Variants in LGR6 observed in about 807,000 individuals in gnomAD.
LGR6 encodes the protein leucine-rich repeat-containing G protein-coupled receptor 6.
A neutral mutation model predicts 69.4 loss-of-function variants in LGR6; 45 were observed. That is an observed-to-expected ratio of 0.65 (90% CI 0.51 to 0.83). The LOEUF (loss-of-function observed/expected upper bound fraction) is 0.83. Among genes scored for constraint, LGR6 ranks in the 40% least tolerant of loss-of-function variants. The pLI, the probability that LGR6 is intolerant of heterozygous loss-of-function variation, is 0.00. For missense variants in LGR6, 1,108 were observed against 1,246.7 expected, an observed-to-expected ratio of 0.89 and a Z score of 1.68; for synonymous variants, 538 against 555.0, an observed-to-expected ratio of 0.97 and a Z score of 0.43.
chr1:202,216,236 C>G (rs552788209), intron 1 of LGR6, among the ~76,000 whole-genome samples: 32 of 152,334 alleles, frequency 2.1e-4, no homozygotes, highest in Admixed American at 1.5e-3. Context: ...GGTGGTGATG[C>G]TCAAAGGTAA....
At chr1:202,305,837 G>A in intron 12 of LGR6, 88 bp downstream of exon 12, 1 of 986,802 alleles carries the variant, frequency 1.0e-6, no homozygotes, top group East Asian at 2.4e-5. Flanking sequence ...GCATCAGTAA[G>A]GGCCAATGCA....
intron 1 of LGR6, among the ~76,000 whole-genome samples, chr1:202,196,154 A>G (rs373528056): frequency 1.3e-4 from 20 of 152,030 alleles, no homozygotes; most frequent in African/African-American, 4.8e-4. Flanking sequence ...AATATGGGGA[A>G]TTTAGCAGTG....
intron 3 of LGR6, among the ~76,000 whole-genome samples, chr1:202,233,546 C>T (rs1661272775): frequency 6.6e-6 from 1 of 152,120 alleles, no homozygotes; most frequent in Admixed American, 6.6e-5. Flanking sequence ...GGTAGAAACA[C>T]TAAGCAGGGC....
At chr1:202,273,944 A>G (rs1197212042) in intron 4 of LGR6, among the ~76,000 whole-genome samples, 2 of 152,208 alleles carry the variant, frequency 1.3e-5, no homozygotes, top group Non-Finnish European at 2.9e-5. Context: ...AGCAGGACTC[A>G]GGGCTTAGGT....
intron 6 of LGR6, among the ~76,000 whole-genome samples, chr1:202,289,791 G>T (rs1219982816): frequency 1.3e-5 from 2 of 152,214 alleles, no homozygotes; most frequent in African/African-American, 2.4e-5. Flanking sequence ...TGTATTCATT[G>T]TGCTAGCTTG....
At chr1:202,306,737 C>T (rs747650952) in intron 12 of LGR6, 131 bp from the exon 13 acceptor site, 14 of 838,356 alleles carry the variant, frequency 1.7e-5, no homozygotes, top group South Asian at 7.2e-5. Flanking sequence ...GTGACTTCCT[C>T]GGGCTGGGCC....
At chr1:202,270,108 T>C (rs1050094364) in intron 4 of LGR6, among the ~76,000 whole-genome samples, 22 of 152,204 alleles carry the variant, frequency 1.4e-4, no homozygotes, top group African/African-American at 5.3e-4. Context: ...GGTTTCCAAA[T>C]AGAGATATGC....
At chr1:202,227,119 G>GT (rs918273748) in intron 2 of LGR6, among the ~76,000 whole-genome samples, 8 of 151,622 alleles carry the variant, frequency 5.3e-5, no homozygotes, top group East Asian at 1.9e-4. Context: ...TTTCCACATA[G>GT]TTTTTTTTTA....
At chr1:202,245,283 C>T (rs1054879403) in intron 4 of LGR6, among the ~76,000 whole-genome samples, 1 of 69,310 alleles carries the variant, frequency 1.4e-5, no homozygotes, top group Non-Finnish European at 2.6e-5. Flanking sequence ...ACGTTTGGGG[C>T]AGAGGCTGCT....
At chr1:202,273,485 T>C (rs1267477782) in intron 4 of LGR6, among the ~76,000 whole-genome samples, 1 of 151,266 alleles carries the variant, frequency 6.6e-6, no homozygotes, top group African/African-American at 2.4e-5. Context: ...GAGATGGAGT[T>C]TCGCTCTTGT....
chr1:202,228,513 C>G (rs1250562936), intron 3 of LGR6, among the ~76,000 whole-genome samples: 7 of 152,216 alleles, frequency 4.6e-5, no homozygotes, highest in Non-Finnish European at 1.5e-5. Flanking sequence ...TTCCTCCCTG[C>G]TCCTCCTTTA....
chr1:202,314,248 C>T (rs191842672), intron 16 of LGR6, among the ~76,000 whole-genome samples: 1 of 152,292 alleles, frequency 6.6e-6, no homozygotes, highest in East Asian at 1.9e-4. Context: ...TGAGGACGGC[C>T]ATGATACCCC....
chr1:202,239,705 T>C (rs778353273), intron 4 of LGR6, among the ~76,000 whole-genome samples: 23 of 151,964 alleles, frequency 1.5e-4, no homozygotes, highest in Admixed American at 2.6e-4. Flanking sequence ...AAACTAGAAA[T>C]ATCTAGAAGT....
chr1:202,210,962 G>A (rs1332232114), intron 1 of LGR6, among the ~76,000 whole-genome samples: 1 of 152,250 alleles, frequency 6.6e-6, no homozygotes, highest in African/African-American at 2.4e-5. Flanking sequence ...TTACCATTGT[G>A]TGCGTTAAGC....
chr1:202,318,339 A>C lies in LGR6; in HGVS notation c.2036A>C (p.Lys679Thr). Residue 679 changes from lysine (K) to threonine (T), a missense_variant, in exon 18 of 18, where the codon AAG (lysine) becomes ACG (threonine). Physicochemically the swap from Lys to Thr is moderately conservative, Grantham distance 78. Transcript: ENST00000367278. ...GTCTCCTGTGTCCGGGCCTATGGGA[A>C]GTCCCCCTCCCTGGGCAGCGTTCGA... ...VSVSCVRAYG[K>T]SPSLGSVRAG... The C allele has an allele frequency of 6.3e-7, 1 of 1,596,878 alleles. No homozygotes were observed. The highest frequency in any genetic ancestry group is 2.2e-5 in the East Asian group (1 of 44,610).
intron 1 of LGR6, chr1:202,194,705 CG>C (rs549228631): frequency 4.0e-5 from 8 of 200,678 alleles, no homozygotes; most frequent in African/African-American, 1.4e-4. Context: ...TTCGTGGGGG[CG>C]GGGGGGGCGG....
intron 11 of LGR6, 113 bp downstream of exon 11, chr1:202,304,743 A>C: frequency 1.2e-6 from 1 of 805,584 alleles, no homozygotes; most frequent in Non-Finnish European, 2.0e-6. Flanking sequence ...TGGAGAATGG[A>C]GCAGCATAGG....
At chr1:202,292,312 C>T (rs531643103) in intron 6 of LGR6, among the ~76,000 whole-genome samples, 1 of 152,274 alleles carries the variant, frequency 6.6e-6, no homozygotes, top group South Asian at 2.1e-4. Flanking sequence ...ACTCACACTG[C>T]CAGGGTTCAA....
intron 1 of LGR6, among the ~76,000 whole-genome samples, chr1:202,200,588 G>C (rs1558001613): frequency 6.6e-6 from 1 of 152,148 alleles, no homozygotes. Flanking sequence ...TCCCCATGTT[G>C]GAAATGGCAA....
Sources: gnomAD v4.1 joint callset for allele counts (sites outside exome capture counted in the v4.1 genomes callset) on GRCh38, gnomAD v4.1.1 for gene constraint, MANE v1.5 for transcripts, NCBI Gene and HGNC (gene_info 2026-07-23, HGNC 2026-07-21) for gene names.